Variants in PCDHA12 observed in about 807,000 individuals in gnomAD.
PCDHA12 encodes protocadherin alpha-12.
Under a neutral mutation model 60.0 loss-of-function variants are expected in PCDHA12, and 44 were observed. The ratio of observed to expected loss-of-function variants is 0.73; its 90% CI spans 0.58 to 0.94. The LOEUF (loss-of-function observed/expected upper bound fraction) is 0.94. Ranked by LOEUF, PCDHA12 falls within the 40% of genes least tolerant of loss-of-function variation. The probability of loss-of-function intolerance (pLI) is 0.00; values close to 1 mark genes in which losing one functional copy is unlikely to be tolerated. For synonymous variants in PCDHA12, 569 were observed against 553.0 expected (o/e 1.03, Z -0.40); for missense variants, 1,276 against 1,239.7 (o/e 1.03, Z -0.44).
At chr5:140,918,263 G>A (rs2078602453) in intron 1 of PCDHA12, among the ~76,000 whole-genome samples, 1 of 152,214 alleles carries the variant, frequency 6.6e-6, no homozygotes, top group East Asian at 1.9e-4. Context: ...TTTGCTGGAG[G>A]TTTTATCAGA....
At chr5:140,926,949 G>A in intron 1 of PCDHA12, 3 of 1,592,316 alleles carry the variant, frequency 1.9e-6, no homozygotes, top group Non-Finnish European at 2.6e-6. Context: ...GCGCTGCAGC[G>A]GGACAGCTCG....
chr5:140,897,104 C>A (rs1474457154), intron 1 of PCDHA12, among the ~76,000 whole-genome samples: 1 of 152,116 alleles, frequency 6.6e-6, no homozygotes, highest in Non-Finnish European at 1.5e-5. Flanking sequence ...TTAAAAATCT[C>A]CACTTTCTGT....
intron 3 of PCDHA12, among the ~76,000 whole-genome samples, chr5:141,000,680 T>C (rs953789526): frequency 1.3e-5 from 2 of 151,376 alleles, no homozygotes; most frequent in African/African-American, 2.4e-5. Flanking sequence ...CACCTGCCTC[T>C]GCCTCCCAAA....
At chr5:140,967,915 T>C in intron 1 of PCDHA12, 1 of 1,614,148 alleles carries the variant, frequency 6.2e-7, no homozygotes, top group Non-Finnish European at 8.5e-7. Context: ...CCAACACCAT[T>C]GTGGCCGTTC....
Position 140,928,590 on chromosome 5 carries a change from A to G in PCDHA12, c.2368-50359A>G, listed in dbSNP as rs78699363. The G allele has an allele frequency of 6.8e-4, 1,101 of 1,614,224 alleles. 1 individual carries two copies. Among genetic ancestry groups the G allele is most frequent in the Non-Finnish European group, 8.8e-4 (1,041 of 1,180,028 alleles). On this transcript the variant is annotated intron_variant, in intron 1 of 3. Coordinates refer to ENST00000398631, the MANE Select transcript of PCDHA12 (RefSeq NM_018903.4). ...CCTTGCCCAGAAATGGTTCTGTCCC[A>G]GTGGAAATTGTGCCCCGCTCTGCCA...
chr5:140,998,547 A>C (rs1173862918), intron 3 of PCDHA12, among the ~76,000 whole-genome samples: 4 of 150,288 alleles, frequency 2.7e-5, no homozygotes, highest in African/African-American at 9.8e-5. Flanking sequence ...TCCTAATTTA[A>C]TGTCTAATTT....
chr5:140,966,724 C>G (rs1357964806), intron 1 of PCDHA12: 25 of 1,396,170 alleles, frequency 1.8e-5, no homozygotes, highest in Non-Finnish European at 2.3e-5. Context: ...GGGAAGCTGC[C>G]GCCTCCGGCC....
chr5:140,928,228 C>A (rs376517088), intron 1 of PCDHA12: 2 of 1,614,218 alleles, frequency 1.2e-6, no homozygotes, highest in Admixed American at 1.7e-5. Context: ...ACCAAACTTT[C>A]CTCAACCCCA....
In PCDHA12 at chr5:140,876,165, C is replaced by G; in HGVS notation, c.693C>G (p.Thr231=). 1.1e-5 allele frequency: 17 copies of G among 1,613,944 alleles called. No homozygotes were observed. Among genetic ancestry groups the G allele is most frequent in the Non-Finnish European group, 1.4e-5 (17 of 1,179,894 alleles). The change falls in exon 1 of 4, where the codon ACC becomes ACG. Residue 231 remains threonine (T), a synonymous_variant. Coordinates refer to ENST00000398631, the MANE Select transcript of PCDHA12 (RefSeq NM_018903.4). ...ELTGSVQIQI[T]VLDVNDNGPA... ...CAGGGTCTGTCCAGATTCAAATAAC[C>G]GTCCTGGATGTGAATGACAATGGTC...
At chr5:140,977,634 T>A (rs187884163) in intron 1 of PCDHA12, among the ~76,000 whole-genome samples, 83 of 152,298 alleles carry the variant, frequency 5.4e-4, no homozygotes, top group African/African-American at 1.9e-3. Context: ...TTGTAACTTT[T>A]TCTGGGCCTT....
intron 1 of PCDHA12, among the ~76,000 whole-genome samples, chr5:140,973,570 T>C (rs1211629419): frequency 6.6e-6 from 1 of 152,232 alleles, no homozygotes; most frequent in Non-Finnish European, 1.5e-5. Flanking sequence ...CCTCAATTTT[T>C]CTACAGACTG....
intron 1 of PCDHA12, among the ~76,000 whole-genome samples, chr5:140,939,697 A>G (rs1327140175): frequency 6.6e-6 from 1 of 152,232 alleles, no homozygotes; most frequent in African/African-American, 2.4e-5. Context: ...GCTGGACATT[A>G]TCATTTGTGA....
chr5:140,924,704 G>A (rs6883852), intron 1 of PCDHA12, among the ~76,000 whole-genome samples: 1 of 152,052 alleles, frequency 6.6e-6, no homozygotes, highest in Non-Finnish European at 1.5e-5. Flanking sequence ...AGACCAGCTT[G>A]TGCAACATGG....
At chr5:140,898,906 G>A (rs199581699) in intron 1 of PCDHA12, among the ~76,000 whole-genome samples, 45,464 of 151,416 alleles carry the variant, frequency 0.3, 7,269 homozygotes, top group East Asian at 0.52. Context: ...GGTCCTTCAC[G>A]TCCCTTGTAA....
intron 1 of PCDHA12, among the ~76,000 whole-genome samples, chr5:140,920,752 G>A (rs2079807244): frequency 6.6e-6 from 1 of 151,768 alleles, no homozygotes; most frequent in African/African-American, 2.4e-5. Context: ...GCTGAGGCAG[G>A]AGAATTGCTT....
intron 1 of PCDHA12, among the ~76,000 whole-genome samples, chr5:140,905,614 A>T (rs1167406063): frequency 6.6e-6 from 1 of 152,094 alleles, no homozygotes; most frequent in Non-Finnish European, 1.5e-5. Flanking sequence ...GAATCTATAG[A>T]TTGCTTTTGA....
At chr5:140,953,227 G>A (rs269546) in intron 1 of PCDHA12, among the ~76,000 whole-genome samples, 34,007 of 151,960 alleles carry the variant, frequency 0.22, 4,902 homozygotes, top group African/African-American at 0.41. Flanking sequence ...GCTTCTGCTT[G>A]GTAGCAGTTC....
intron 1 of PCDHA12, chr5:140,882,249 T>C (rs1412428548): frequency 6.3e-7 from 1 of 1,595,264 alleles, no homozygotes; most frequent in Non-Finnish European, 8.5e-7. Flanking sequence ...CAGATAGCTC[T>C]GAGGTTTTTG....
intron 1 of PCDHA12, among the ~76,000 whole-genome samples, chr5:140,935,347 T>C (rs886241397): frequency 1.3e-5 from 2 of 152,180 alleles, no homozygotes; most frequent in African/African-American, 4.8e-5. Flanking sequence ...ATACGTCAAA[T>C]CCCAGTTTTC....
Sources: allele counts gnomAD v4.1 joint callset (sites outside exome capture counted in the v4.1 genomes callset), GRCh38; gene constraint gnomAD v4.1.1; transcripts MANE v1.5; gene names NCBI Gene and HGNC (gene_info 2026-07-23, HGNC 2026-07-21).